Variants in GABRA3 observed in about 807,000 individuals in gnomAD.
GABRA3 encodes gamma-aminobutyric acid receptor subunit alpha-3.
Under a neutral mutation model 30.1 loss-of-function variants are expected in GABRA3, and 10 were observed. The ratio of observed to expected loss-of-function variants is 0.33; its 90% CI spans 0.20 to 0.56. The LOEUF (loss-of-function observed/expected upper bound fraction) is 0.56, where lower values mean the gene tolerates loss of function less well. Among genes scored for constraint, GABRA3 ranks in the 20% least tolerant of loss-of-function variants. The pLI, the probability that GABRA3 is intolerant of heterozygous loss-of-function variation, is 0.89. For synonymous variants in GABRA3, 151 were observed against 146.8 expected (o/e 1.03, Z -0.21); for missense variants, 233 against 392.0 (o/e 0.59, Z 3.42).
chrX:152,182,433 A>G (rs1211606431), intron 9 of GABRA3, among the ~76,000 whole-genome samples: 1 of 86,509 alleles, frequency 1.2e-5, no homozygotes, highest in Non-Finnish European at 2.2e-5. Flanking sequence ...CACTATATAT[A>G]GTATGTATAC....
intron 3 of GABRA3, among the ~76,000 whole-genome samples, chrX:152,290,576 C>T (rs930657315): frequency 2.7e-5 from 3 of 111,785 alleles, no homozygotes; most frequent in African/African-American, 9.7e-5. Context: ...TTTTAGTCAT[C>T]AAGTCCTTGC....
chrX:152,282,499 G>C (rs774482406), intron 4 of GABRA3, among the ~76,000 whole-genome samples: 1 of 112,204 alleles, frequency 8.9e-6, no homozygotes, highest in African/African-American at 3.2e-5. Context: ...TGACTGGATG[G>C]ACATGCGGCT....
At chrX:152,370,325 C>T (rs967002540) in intron 1 of GABRA3, among the ~76,000 whole-genome samples, 7 of 111,257 alleles carry the variant, frequency 6.3e-5, no homozygotes, top group South Asian at 7.6e-4. Context: ...TCTGCCAGAA[C>T]TTTACCTGAA....
intron 5 of GABRA3, among the ~76,000 whole-genome samples, chrX:152,254,970 T>G (rs985817708): frequency 3.6e-5 from 4 of 111,736 alleles, no homozygotes; most frequent in African/African-American, 6.5e-5. Flanking sequence ...CACTGAAAAT[T>G]TTTTCAAATT....
At chrX:152,207,153 A>G (rs776189945) in intron 7 of GABRA3, among the ~76,000 whole-genome samples, 1 of 111,820 alleles carries the variant, frequency 8.9e-6, no homozygotes, top group Admixed American at 9.5e-5. Context: ...GAGATGACAG[A>G]CTGTGATATC....
Position 152,266,025 on chromosome X carries a change from G to A in GABRA3, c.331-10027C>T, listed in dbSNP as rs188958470. On this transcript the variant is annotated intron_variant, in intron 4 of 9. Coordinates refer to ENST00000370314, the MANE Select transcript of GABRA3 (RefSeq NM_000808.4). ...CCTAGTAAAGAAAAGCCTGGGACCTGATGGCTTCACTGATGAATTCTACCA... is the reference window on the plus strand; with the variant it reads ...CCTAGTAAAGAAAAGCCTGGGACCTAATGGCTTCACTGATGAATTCTACCA... Among the ~76,000 whole-genome samples the A allele has an allele frequency of 2.6e-4, 29 of 111,291 alleles. No individual in the cohort carries two copies. The East Asian group carries it at 8.3e-3, about 32-fold the overall frequency.
At chrX:152,239,628 T>C (rs1264717459) in intron 5 of GABRA3, among the ~76,000 whole-genome samples, 2 of 91,685 alleles carry the variant, frequency 2.2e-5, no homozygotes, top group East Asian at 7.8e-4. Context: ...TGTGGGAGTC[T>C]AAGTCTCTTT....
At chrX:152,429,949 C>G (rs1930613636) in intron 1 of GABRA3, among the ~76,000 whole-genome samples, 1 of 112,233 alleles carries the variant, frequency 8.9e-6, no homozygotes, top group Non-Finnish European at 1.9e-5. Context: ...ATGTTGCAAT[C>G]TATGATTACA....
intron 1 of GABRA3, among the ~76,000 whole-genome samples, chrX:152,368,994 C>T (rs1032128710): frequency 7.2e-5 from 8 of 111,508 alleles, no homozygotes; most frequent in South Asian, 7.4e-4. Context: ...CGTAAGCCAC[C>T]GCGCTAGGCC....
chrX:152,196,861 T>A (rs1937395492), intron 8 of GABRA3, among the ~76,000 whole-genome samples: 1 of 112,503 alleles, frequency 8.9e-6, no homozygotes, highest in African/African-American at 3.2e-5. Flanking sequence ...TGCTACTTCT[T>A]CCAAAACATA....
chrX:152,279,770 A>G (rs1279778910), intron 4 of GABRA3, among the ~76,000 whole-genome samples: 1 of 111,536 alleles, frequency 9.0e-6, no homozygotes, highest in Non-Finnish European at 1.9e-5. Context: ...ATTTGTTTGT[A>G]TCCTCTTTTA....
intron 9 of GABRA3, among the ~76,000 whole-genome samples, chrX:152,182,301 A>T (rs951460525): frequency 4.3e-5 from 4 of 92,577 alleles, no homozygotes; most frequent in African/African-American, 1.8e-4. Flanking sequence ...CTGACGTGTT[A>T]TATATATATA....
intron 1 of GABRA3, among the ~76,000 whole-genome samples, chrX:152,440,190 C>T (rs1930887077): frequency 8.9e-6 from 1 of 111,833 alleles, no homozygotes; most frequent in Non-Finnish European, 1.9e-5. Context: ...AAAAACAACC[C>T]CATCAAAAAG....
chrX:152,408,845 T>A (rs962053312), intron 1 of GABRA3, among the ~76,000 whole-genome samples: 6 of 109,613 alleles, frequency 5.5e-5, no homozygotes, highest in Non-Finnish European at 7.6e-5. Flanking sequence ...GTAACTAAAG[T>A]AGCATGGCCC....
chrX:152,263,506 G>T (rs2124420082), intron 4 of GABRA3, among the ~76,000 whole-genome samples: 1 of 110,361 alleles, frequency 9.1e-6, no homozygotes, highest in African/African-American at 3.3e-5. Flanking sequence ...CTGAAGACAG[G>T]CTATTTGAAT....
chrX:152,205,520 G>A (rs1396271968), intron 7 of GABRA3, among the ~76,000 whole-genome samples: 2 of 111,752 alleles, frequency 1.8e-5, no homozygotes, highest in African/African-American at 6.5e-5. Flanking sequence ...TACCAAAAAA[G>A]AGATACTATT....
At chrX:152,233,252 G>A (rs1349681315) in intron 5 of GABRA3, among the ~76,000 whole-genome samples, 1 of 109,155 alleles carries the variant, frequency 9.2e-6, no homozygotes, top group Non-Finnish European at 1.9e-5. Flanking sequence ...CTCCCATTTT[G>A]TGGGATGCCT....
intron 1 of GABRA3, among the ~76,000 whole-genome samples, chrX:152,382,469 G>A (rs1929172051): frequency 8.9e-6 from 1 of 112,101 alleles, no homozygotes; most frequent in African/African-American, 3.2e-5. Flanking sequence ...ACCATAAAGG[G>A]AGTTGCCTCT....
intron 5 of GABRA3, among the ~76,000 whole-genome samples, chrX:152,230,144 T>A (rs917501578): frequency 8.9e-6 from 1 of 111,740 alleles, no homozygotes; most frequent in Non-Finnish European, 1.9e-5. Flanking sequence ...GTGACTAAAA[T>A]GTTCTGAAAT....
Sources: gnomAD v4.1 joint callset for allele counts (sites outside exome capture counted in the v4.1 genomes callset) on GRCh38, gnomAD v4.1.1 for gene constraint, MANE v1.5 for transcripts, NCBI Gene and HGNC (gene_info 2026-07-23, HGNC 2026-07-21) for gene names.